CTNS: variants seen among roughly 807,000 people sequenced by gnomAD.
CTNS encodes the protein cystinosin, lysosomal cystine transporter.
In CTNS, 27 loss-of-function variants were observed where a neutral mutation model predicts 43.7. That is an observed-to-expected ratio of 0.62 (90% CI 0.46 to 0.85). The LOEUF is 0.85. CTNS is among the 40% of genes least tolerant of loss of function. The probability of loss-of-function intolerance (pLI) is 0.00; values close to 1 mark genes in which losing one functional copy is unlikely to be tolerated. For missense variants in CTNS, 457 were observed against 475.4 expected, an observed-to-expected ratio of 0.96 and a Z score of 0.36; for synonymous variants, 187 against 190.6, an observed-to-expected ratio of 0.98 and a Z score of 0.16.
intron 9 of CTNS, 85 bp downstream of exon 9, chr17:3,656,880 C>T: frequency 6.3e-7 from 1 of 1,594,168 alleles, no homozygotes; most frequent in Non-Finnish European, 8.5e-7. Context: ...ACGGCAGAGC[C>T]TGGGAAAGGA....
chr17:3,659,760 T>A, intron 10 of CTNS, 98 bp from the exon 11 acceptor site: 3 of 860,762 alleles, frequency 3.5e-6, no homozygotes, highest in South Asian at 2.7e-5. Context: ...GTGGGAGGAA[T>A]GAGAACCGCT....
chr17:3,655,160 C>T (rs559211007), intron 6 of CTNS, 59 bp downstream of exon 6: 46 of 1,613,956 alleles, frequency 2.9e-5, no homozygotes, highest in Admixed American at 1.8e-4. Context: ...GTGCTGGGCA[C>T]GTGGGAGTCT....
chr17:3,647,766 C>T (rs1384750440), intron 4 of CTNS, among the ~76,000 whole-genome samples: 1 of 152,232 alleles, frequency 6.6e-6, no homozygotes, highest in Non-Finnish European at 1.5e-5. Flanking sequence ...CTCCCAGAGA[C>T]GTGCGTCTTT....
intron 3 of CTNS, among the ~76,000 whole-genome samples, chr17:3,642,842 T>C (rs1022426310): frequency 4.6e-5 from 7 of 152,170 alleles, no homozygotes; most frequent in African/African-American, 1.2e-4. Context: ...CCTTCAGACT[T>C]GTCTGTCTCT....
intron 11 of CTNS, 86 bp from the exon 12 acceptor site, chr17:3,660,150 A>AC (rs746922242): frequency 3.0e-5 from 48 of 1,583,228 alleles, no homozygotes; most frequent in Non-Finnish European, 4.2e-5. Context: ...GTTTTCTGGG[A>AC]CCCCCACCGC....
intron 3 of CTNS, among the ~76,000 whole-genome samples, chr17:3,644,992 G>A (rs2075812088): frequency 6.6e-6 from 1 of 152,190 alleles, no homozygotes; most frequent in African/African-American, 2.4e-5. Flanking sequence ...CAGAGCCCTA[G>A]GGATCCAGAG....
intron 5 of CTNS, among the ~76,000 whole-genome samples, chr17:3,651,983 G>GA (rs56804333): frequency 1.4e-5 from 2 of 141,264 alleles, no homozygotes; most frequent in Non-Finnish European, 3.0e-5. Flanking sequence ...CAAAAAAAAA[G>GA]AAAAGAAAAG....
intron 4 of CTNS, among the ~76,000 whole-genome samples, chr17:3,647,782 G>A (rs1398867559): frequency 6.6e-6 from 1 of 152,214 alleles, no homozygotes; most frequent in Admixed American, 6.5e-5. Context: ...TCTTTTCCCC[G>A]CATGGGAAGA....
At chr17:3,639,074 G>A (rs1032544264) in intron 2 of CTNS, among the ~76,000 whole-genome samples, 1 of 152,132 alleles carries the variant, frequency 6.6e-6, no homozygotes, top group African/African-American at 2.4e-5. Flanking sequence ...GATGCTGGAG[G>A]CCTTGGGGAA....
Position 3,660,482 on chromosome 17 carries a change from T to C in CTNS, c.*113T>C. On this transcript the variant is annotated 3_prime_UTR_variant, in exon 12 of 12. Transcript: ENST00000046640. ...CCTGGCACACAGGGCTGGCTCAGTG[T>C]GCGGACAGAGGAGACCACTCTGCTC... is the stretch of plus-strand genomic sequence containing the variant. The C allele has an allele frequency of 6.2e-7, 1 of 1,612,896 alleles. No individual in the cohort carries two copies. Among genetic ancestry groups the C allele is most frequent in the African/African-American group, 1.3e-5 (1 of 75,058 alleles).
At chr17:3,651,375 G>A (rs2737146) in intron 5 of CTNS, among the ~76,000 whole-genome samples, 127,365 of 152,080 alleles carry the variant, frequency 0.84, 57,727 homozygotes, top group Non-Finnish European at 1. Flanking sequence ...GATTACAGGA[G>A]CCACCACGCC....
chr17:3,659,126 G>A (rs755056179), intron 10 of CTNS, among the ~76,000 whole-genome samples: 11 of 152,142 alleles, frequency 7.2e-5, no homozygotes, highest in African/African-American at 1.4e-4. Context: ...AGGGTGAGCC[G>A]GGACACAGAC....
At position 3,654,302 on chromosome 17, in the gene CTNS, G is replaced by C. The variant is rs545749652; in HGVS notation, c.226-696G>C. Among the ~76,000 whole-genome samples the C allele has an allele frequency of 1.1e-4, 16 of 152,276 alleles. No homozygotes were observed. In the East Asian group the frequency reaches 2.9e-3, roughly 28 times the overall value. On this transcript the variant is annotated intron_variant, in intron 5 of 11. Transcript: ENST00000046640. ...TTGCCCAAGGTGACATGTCCAGTAAGAGGACGAGAGCCATCCCTCCTTCCC... is the reference window on the plus strand; with the variant it reads ...TTGCCCAAGGTGACATGTCCAGTAACAGGACGAGAGCCATCCCTCCTTCCC...
intron 3 of CTNS, among the ~76,000 whole-genome samples, chr17:3,640,616 A>C (rs932301379): frequency 1.3e-5 from 2 of 152,274 alleles, no homozygotes; most frequent in South Asian, 4.1e-4. Context: ...AGACTGGCTC[A>C]GGCTGGAGCA....
rs764288123 is a variant in CTNS at position 3,655,316 on chromosome 17, T to C, written c.425T>C (p.Phe142Ser). 2.5e-6 allele frequency: 4 copies of C among 1,614,172 alleles called. No homozygotes were observed. Among genetic ancestry groups the C allele is most frequent in the East Asian group, 2.2e-5 (1 of 44,872 alleles). ...WIYFVAWSISFYPQVIMNWRR... is the reference protein window; with the variant it reads ...WIYFVAWSISSYPQVIMNWRR... Reference sequence around the variant, plus strand: ...TACTTTGTGGCCTGGTCCATCTCCTTCTACCCTCAGGTGATCATGAATTGG... The same window carrying C: ...TACTTTGTGGCCTGGTCCATCTCCTCCTACCCTCAGGTGATCATGAATTGG... The change falls in exon 7 of 12, where the codon TTC becomes TCC. Residue 142 changes from phenylalanine to serine, a missense_variant. Physicochemically the swap from Phe to Ser is radical, Grantham distance 155. Transcript: ENST00000046640.
rs377365381 is a variant in CTNS, at chr17:3,651,827, G to A, written c.225+2896G>A. Among the ~76,000 whole-genome samples, 74 of 151,876 alleles carry A rather than the reference G, an allele frequency of 4.9e-4. 2 individuals carry two copies. The South Asian group carries it at 0.015, about 31-fold the overall frequency. On this transcript the variant is annotated intron_variant, in intron 5 of 11. Transcript: ENST00000046640. ...GTCTCTACTAAAAATACAAAAATTA[G>A]CCAGGTGGTAGTGGTGTGCGCCTAT...
chr17:3,662,267 C>T lies in CTNS; in HGVS notation c.*1898C>T, dbSNP rs1207833469. Among the ~76,000 whole-genome samples the T allele has an allele frequency of 1.3e-5, 2 of 151,474 alleles. No individual in the cohort carries two copies. The highest frequency in any genetic ancestry group is 1.9e-4 in the East Asian group (1 of 5,142). On this transcript the variant is annotated 3_prime_UTR_variant, in exon 12 of 12. Coordinates refer to ENST00000046640, the MANE Select transcript of CTNS (RefSeq NM_004937.3). ...CGGAGGTTGCAGTGAGCGAAGATCA[C>T]GCCATTGCACTCCAGCCTGGGCAAC...
chr17:3,659,883 G>A lies in CTNS; in HGVS notation c.878G>A (p.Ser293Asn), dbSNP rs1375738304. 1.2e-6 allele frequency: 2 copies of A among 1,613,842 alleles called. No homozygotes were observed. The highest frequency in any genetic ancestry group is 3.3e-5 in the Admixed American group (2 of 60,004). Residue 293 changes from serine to asparagine, a missense_variant, in exon 11 of 12, where the codon AGC becomes AAC. Ser to Asn is a conservative substitution (Grantham distance 46, BLOSUM62 1). Coordinates refer to ENST00000046640, the MANE Select transcript of CTNS (RefSeq NM_004937.3). ...PQAYMNFYYK[S>N]TEGWSIGNVL... The stretch of plus-strand genomic sequence containing the variant: ...GCCTACATGAACTTTTACTACAAAA[G>A]CACTGAGGGCTGGAGCATTGGCAAC...
chr17:3,642,611 C>T (rs531060414), intron 3 of CTNS, among the ~76,000 whole-genome samples: 1 of 152,184 alleles, frequency 6.6e-6, no homozygotes, highest in South Asian at 2.1e-4. Context: ...CGCTTGAACC[C>T]GGGAGGCAGG....
Sources: allele counts gnomAD v4.1 joint callset (sites outside exome capture counted in the v4.1 genomes callset), GRCh38; gene constraint gnomAD v4.1.1; transcripts MANE v1.5; gene names NCBI Gene and HGNC (gene_info 2026-07-23, HGNC 2026-07-21).